DIPK2B: variants seen among roughly 807,000 people sequenced by gnomAD.
DIPK2B encodes the protein divergent protein kinase domain 2B.
A neutral mutation model predicts 22.2 loss-of-function variants in DIPK2B; 15 were observed. That is an observed-to-expected ratio of 0.68 (90% confidence interval 0.45 to 1.04). DIPK2B has a LOEUF of 1.04. Ranked by LOEUF, DIPK2B falls within the 50% of genes least tolerant of loss-of-function variation. DIPK2B has a pLI of 0.00. For synonymous variants in DIPK2B, 163 were observed against 153.2 expected (o/e 1.06, Z -0.47); for missense variants, 345 against 348.3 (o/e 0.99, Z 0.08).
intron 2 of DIPK2B, among the ~76,000 whole-genome samples, chrX:45,167,495 C>CAA (rs1156692662): frequency 0.063 from 1,479 of 23,636 alleles, 39 homozygotes; most frequent in Non-Finnish European, 0.089. Flanking sequence ...AAGACTGTCT[C>CAA]AAAAAAAAAA....
At chrX:45,162,920 G>A (rs1222880352) in intron 2 of DIPK2B, 4 of 752,042 alleles carry the variant, frequency 5.3e-6, no homozygotes, top group Non-Finnish European at 6.3e-6. Flanking sequence ...GGCTGTCACA[G>A]TTCTCTACCA....
intron 2 of DIPK2B, chrX:45,164,370 G>T: frequency 2.8e-6 from 2 of 725,455 alleles, no homozygotes; most frequent in Non-Finnish European, 3.9e-6. Flanking sequence ...CAGTGATCTA[G>T]TAAAATACTC....
intron 1 of DIPK2B, 141 bp from the exon 2 acceptor site, chrX:45,192,156 G>T: frequency 1.6e-6 from 1 of 633,926 alleles, no homozygotes; most frequent in Non-Finnish European, 2.3e-6. Flanking sequence ...TTCTGTGAGA[G>T]GACTATTTTT....
intron 2 of DIPK2B, among the ~76,000 whole-genome samples, chrX:45,176,433 C>A (rs886340933): frequency 8.9e-6 from 1 of 112,129 alleles, no homozygotes; most frequent in Admixed American, 9.4e-5. Flanking sequence ...TTATATTCTA[C>A]AGTCCCTTCC....
intron 4 of DIPK2B, among the ~76,000 whole-genome samples, chrX:45,153,304 A>G (rs2046970814): frequency 8.9e-6 from 1 of 112,139 alleles, no homozygotes; most frequent in Non-Finnish European, 1.9e-5. Context: ...CGATTCAGTC[A>G]TCCACCTCAT....
At chrX:45,174,672 T>C (rs1396324273) in intron 2 of DIPK2B, among the ~76,000 whole-genome samples, 1 of 110,066 alleles carries the variant, frequency 9.1e-6, no homozygotes, top group Non-Finnish European at 1.9e-5. Context: ...CCATGTCTGG[T>C]CTATGGGATA....
intron 1 of DIPK2B, among the ~76,000 whole-genome samples, chrX:45,195,960 G>A (rs1408914825): frequency 8.9e-6 from 1 of 111,764 alleles, no homozygotes; most frequent in African/African-American, 3.3e-5. Context: ...CCCCCAGTTG[G>A]GACCTTCCCA....
At chrX:45,156,609 T>G (rs2046997218) in intron 3 of DIPK2B, among the ~76,000 whole-genome samples, 1 of 111,374 alleles carries the variant, frequency 9.0e-6, no homozygotes, top group South Asian at 3.8e-4. Context: ...GCATTTGGGT[T>G]CTATTGCTGA....
intron 2 of DIPK2B, among the ~76,000 whole-genome samples, chrX:45,185,512 G>A (rs72628909): frequency 0.11 from 12,605 of 110,291 alleles, 778 homozygotes; most frequent in East Asian, 0.43. Context: ...CTGTATTTGA[G>A]CATCATCTGG....
chrX:45,163,912 G>A, intron 2 of DIPK2B: 1 of 898,450 alleles, frequency 1.1e-6, no homozygotes, highest in East Asian at 4.9e-5. Flanking sequence ...ATCTGGATTG[G>A]GGTGGGCTCA....
intron 1 of DIPK2B, among the ~76,000 whole-genome samples, chrX:45,198,651 T>C (rs2047252523): frequency 8.9e-6 from 1 of 111,920 alleles, no homozygotes; most frequent in African/African-American, 3.2e-5. Flanking sequence ...TTGGTGAATA[T>C]GCAGTCATCC....
chrX:45,158,509 A>G (rs1441245982), intron 2 of DIPK2B, among the ~76,000 whole-genome samples: 2 of 110,375 alleles, frequency 1.8e-5, no homozygotes, highest in Admixed American at 9.6e-5. Flanking sequence ...GCGTTTTTAT[A>G]TGCACCACTG....
rs920745356 is a variant in DIPK2B at position 45,157,733 on chromosome X, C to T, written c.654G>A (p.Ser218=). ...TGCATACCTGTAGGAGGATGGGGTGCGAGTTGACAGCCAGCGTGTAGAGCA... is the reference window on the plus strand; with the variant it reads ...TGCATACCTGTAGGAGGATGGGGTGTGAGTTGACAGCCAGCGTGTAGAGCA... ...LRLLYTLAVN[S]HPILLQIFPG... The change falls in exon 3 of 5, where the codon TCG becomes TCA. Residue 218 remains serine (S), a synonymous_variant. Transcript: ENST00000398000. The T allele has an allele frequency of 3.4e-6, 4 of 1,193,561 alleles. No homozygotes were observed. Among genetic ancestry groups the T allele is most frequent in the East Asian group, 6.1e-5 (2 of 33,011 alleles).
chrX:45,156,947 T>C (rs1234797928), intron 3 of DIPK2B, among the ~76,000 whole-genome samples: 2 of 107,432 alleles, frequency 1.9e-5, no homozygotes, highest in Non-Finnish European at 3.9e-5. Context: ...CCTTCCTTCC[T>C]CTTCCTTTTC....
chrX:45,155,410 G>A lies in DIPK2B; in HGVS notation c.673-1212C>T, dbSNP rs370470982. Among the ~76,000 whole-genome samples the A allele has an allele frequency of 2.7e-3, 248 of 93,033 alleles. 1 individual carries two copies. Among genetic ancestry groups the A allele is most frequent in the African/African-American group, 9.4e-3 (245 of 26,047 alleles). 80.8% of individuals were successfully genotyped at this position (93,033 alleles called of 115,157 possible). A position where few individuals can be genotyped will look rare whatever the true frequency, so the allele number is the denominator to read the frequency against. ...TGCATTCCAGCCTGGGCGACAGAGC[G>A]TGACTCTGTCTCAAAAAAAAAATAT... On this transcript the variant is annotated intron_variant, in intron 3 of 4. Coordinates refer to ENST00000398000, the MANE Select transcript of DIPK2B (RefSeq NM_176819.4).
chrX:45,158,839 T>C (rs1230137252), intron 2 of DIPK2B, among the ~76,000 whole-genome samples: 1 of 112,122 alleles, frequency 8.9e-6, no homozygotes, highest in Non-Finnish European at 1.9e-5. Flanking sequence ...TGGTACCTCA[T>C]TGAATCCTCT....
chrX:45,192,283 T>C (rs2047216324), intron 1 of DIPK2B, among the ~76,000 whole-genome samples: 1 of 112,027 alleles, frequency 8.9e-6, no homozygotes, highest in Non-Finnish European at 1.9e-5. Context: ...GCCATAGCTC[T>C]CTGAACTTTT....
At chrX:45,188,186 C>T (rs2047194001) in intron 2 of DIPK2B, among the ~76,000 whole-genome samples, 1 of 111,980 alleles carries the variant, frequency 8.9e-6, no homozygotes, top group Non-Finnish European at 1.9e-5. Flanking sequence ...GATGGGTTAT[C>T]AGAAAAACGG....
intron 2 of DIPK2B, among the ~76,000 whole-genome samples, chrX:45,189,994 A>G (rs2047202772): frequency 1.8e-5 from 2 of 112,282 alleles, no homozygotes; most frequent in South Asian, 3.7e-4. Context: ...CAGAAAGAAG[A>G]AAAGCTTGTT....
Sources: gnomAD v4.1 joint callset for allele counts (sites outside exome capture counted in the v4.1 genomes callset) on GRCh38, gnomAD v4.1.1 for gene constraint, MANE v1.5 for transcripts, NCBI Gene and HGNC (gene_info 2026-07-23, HGNC 2026-07-21) for gene names.